The following TXN2 variants were observed in gnomAD, a reference collection of about 807,000 sequenced individuals.
TXN2 encodes thioredoxin, mitochondrial.
TXN2 carries 12 observed loss-of-function variants against 14.6 expected under a neutral mutation model. That is an observed-to-expected ratio of 0.82 (90% CI 0.53 to 1.33). The LOEUF is 1.33. TXN2 is among the 40% of genes most tolerant of loss of function. TXN2 has a pLI of 0.00. For synonymous variants in TXN2, 89 were observed against 81.0 expected, an observed-to-expected ratio of 1.10 and a Z score of -0.53; for missense variants, 173 against 207.7, an observed-to-expected ratio of 0.83 and a Z score of 1.03.
intron 3 of TXN2, among the ~76,000 whole-genome samples, chr22:36,469,784 C>T (rs539556382): frequency 3.3e-5 from 5 of 152,198 alleles, no homozygotes; most frequent in African/African-American, 9.6e-5. Context: ...GGTGAAACCC[C>T]GTCTCTACTA....
chr22:36,477,162 A>G (rs1933403167), intron 2 of TXN2, among the ~76,000 whole-genome samples: 2 of 152,232 alleles, frequency 1.3e-5, no homozygotes, highest in South Asian at 2.1e-4. Context: ...AAAAGGTTCA[A>G]ACAGAGGCTT....
intron 3 of TXN2, among the ~76,000 whole-genome samples, chr22:36,469,723 A>G (rs1202609696): frequency 1.3e-5 from 2 of 152,232 alleles, no homozygotes; most frequent in African/African-American, 4.8e-5. Context: ...TGGGAAGCCA[A>G]AGCGGGCAGA....
intron 3 of TXN2, among the ~76,000 whole-genome samples, chr22:36,473,753 G>C (rs894194042): frequency 1.3e-5 from 2 of 152,120 alleles, no homozygotes; most frequent in Admixed American, 6.6e-5. Context: ...CGGTGGGTGT[G>C]GGGGGAGATT....
intron 3 of TXN2, among the ~76,000 whole-genome samples, chr22:36,469,235 C>T (rs138026513): frequency 6.6e-6 from 1 of 152,262 alleles, no homozygotes; most frequent in Non-Finnish European, 1.5e-5. Context: ...AATGAAATAA[C>T]GCAAGTAAAG....
rs181695195 is a variant in TXN2 at position 36,467,439 on chromosome 22, G to A, written c.*365C>T. 249 of 212,634 alleles carry A rather than the reference G, an allele frequency of 1.2e-3. 1 individual carries two copies. The highest frequency in any genetic ancestry group is 6.5e-3 in the East Asian group (57 of 8,746). The allele number at this position is 212,634 out of a possible 1,614,324, so 13.2% of individuals were successfully genotyped here. On this transcript the variant is annotated 3_prime_UTR_variant, in exon 4 of 4. Coordinates refer to ENST00000216185, the MANE Select transcript of TXN2 (RefSeq NM_012473.4). The stretch of plus-strand genomic sequence containing the variant: ...AGAAATGTAGGTGGCAGACGAGCCA[G>A]GCACGAGGTTTCAGATTGGAAGGGA...
chr22:36,471,069 A>C (rs1237428657), intron 3 of TXN2, among the ~76,000 whole-genome samples: 3 of 152,166 alleles, frequency 2.0e-5, no homozygotes, highest in African/African-American at 7.2e-5. Flanking sequence ...GAGGCGGCTG[A>C]AGCTCTGCTG....
chr22:36,475,815 C>A (rs570676533), intron 3 of TXN2, among the ~76,000 whole-genome samples: 1 of 152,254 alleles, frequency 6.6e-6, no homozygotes, highest in East Asian at 1.9e-4. Context: ...ACAGACAAAC[C>A]AACCAACCAA....
At chr22:36,468,236 G>A (rs181079584) in intron 3 of TXN2, among the ~76,000 whole-genome samples, 1 of 152,354 alleles carries the variant, frequency 6.6e-6, no homozygotes, top group Non-Finnish European at 1.5e-5. Context: ...CTGCAGGCCA[G>A]GGCTGGGGGC....
In TXN2 at chr22:36,480,709, A is replaced by C; in HGVS notation, c.129T>G (p.Thr43=). The C allele has an allele frequency of 1.2e-6, 2 of 1,614,130 alleles. No homozygotes were observed. Among genetic ancestry groups the C allele is most frequent in the Non-Finnish European group, 1.7e-6 (2 of 1,180,036 alleles). The change falls in exon 2 of 4, where the codon ACT becomes ACG. Residue 43 remains threonine (T), a synonymous_variant. Coordinates refer to ENST00000216185, the MANE Select transcript of TXN2 (RefSeq NM_012473.4). Reference sequence around the variant, plus strand: ...TTGTCCGGGCTGGGTTGGGTGTTACAGTCAGGCCACCAGGACTGCATTGTG... The same window carrying C: ...TTGTCCGGGCTGGGTTGGGTGTTACCGTCAGGCCACCAGGACTGCATTGTG... ...QTPQCSPGGL[T]VTPNPARTIY...
chr22:36,480,508 A>C (rs1031689129), intron 2 of TXN2, 67 bp downstream of exon 2: 25 of 1,567,356 alleles, frequency 1.6e-5, no homozygotes, highest in Non-Finnish European at 2.2e-5. Context: ...GCCGTGGGAC[A>C]CAGCAGGCAT....
intron 2 of TXN2, among the ~76,000 whole-genome samples, chr22:36,478,630 T>C (rs536134852): frequency 6.6e-6 from 1 of 152,226 alleles, no homozygotes; most frequent in Admixed American, 6.5e-5. Context: ...GCAGGTGTGG[T>C]GGTGCACACC....
At chr22:36,479,591 G>C (rs1933457173) in intron 2 of TXN2, among the ~76,000 whole-genome samples, 2 of 152,002 alleles carry the variant, frequency 1.3e-5, no homozygotes, top group African/African-American at 4.8e-5. Context: ...CTCGGCCTCT[G>C]AAAGTGCTGG....
intron 2 of TXN2, among the ~76,000 whole-genome samples, chr22:36,480,345 T>C (rs769546450): frequency 6.6e-5 from 10 of 152,236 alleles, no homozygotes; most frequent in African/African-American, 1.2e-4. Flanking sequence ...TTTCTGGGGA[T>C]TGAGAAACAG....
chr22:36,476,760 G>T lies in TXN2; in HGVS notation c.360C>A (p.Asp120Glu), dbSNP rs765206594. 5 of 1,613,954 alleles carry T rather than the reference G, an allele frequency of 3.1e-6. No homozygotes were observed. The highest frequency in any genetic ancestry group is 2.7e-5 in the African/African-American group (2 of 74,892). ...CATACTCAATGGCGAGGTCTGTGTGGTCATCAATATCCACCTTGGCCATCA... is the reference window on the plus strand; with the variant it reads ...CATACTCAATGGCGAGGTCTGTGTGTTCATCAATATCCACCTTGGCCATCA... ...KVVMAKVDID[D>E]HTDLAIEYEV... Residue 120 changes from aspartate to glutamate, a missense_variant, in exon 3 of 4, where the codon GAC (aspartate) becomes GAA (glutamate). Transcript: ENST00000216185.
At chr22:36,471,063 C>A (rs10212095) in intron 3 of TXN2, among the ~76,000 whole-genome samples, 3 of 152,192 alleles carry the variant, frequency 2.0e-5, no homozygotes, top group African/African-American at 7.2e-5. Context: ...CCTGAGGAGG[C>A]GGCTGAAGCT....
chr22:36,467,939 G>A (rs984333279), intron 3 of TXN2, 22 bp from the exon 4 acceptor site: 4 of 1,601,364 alleles, frequency 2.5e-6, no homozygotes, highest in East Asian at 2.2e-5. Flanking sequence ...GGACAAGGGG[G>A]TCCAAGTGAA....
At chr22:36,468,947 TGA>T (rs1933215604) in intron 3 of TXN2, among the ~76,000 whole-genome samples, 1 of 151,262 alleles carries the variant, frequency 6.6e-6, no homozygotes, top group East Asian at 2.0e-4. Context: ...GAGGCTGAGG[TGA>T]GAGAATTGCT....
Position 36,476,666 on chromosome 22 carries a change from C to T in TXN2, c.387+67G>A, listed in dbSNP as rs1933392285. ...TGTGCTCCCCAAGATACCTCCTACA[C>T]CAGCTATCCCTGGGCCTGACACCTC... On this transcript the variant is annotated intron_variant, in intron 3 of 3. Transcript: ENST00000216185. The T allele has an allele frequency of 1.9e-6, 3 of 1,604,262 alleles. No individual in the cohort carries two copies. The highest frequency in any genetic ancestry group is 2.6e-6 in the Non-Finnish European group (3 of 1,174,024).
intron 3 of TXN2, among the ~76,000 whole-genome samples, chr22:36,475,235 C>CG (rs66828208): frequency 0.8 from 121,703 of 152,086 alleles, 49,943 homozygotes; most frequent in African/African-American, 0.9. Context: ...AAAAATTAGC[C>CG]GGCGTGGTGG....
Sources: allele counts gnomAD v4.1 joint callset (sites outside exome capture counted in the v4.1 genomes callset), GRCh38; gene constraint gnomAD v4.1.1; transcripts MANE v1.5; gene names NCBI Gene and HGNC (gene_info 2026-07-23, HGNC 2026-07-21).